The following RBPJ variants were observed in gnomAD, a reference collection of about 807,000 sequenced individuals.
RBPJ encodes the protein recombining binding protein suppressor of hairless.
Under a neutral mutation model 67.8 loss-of-function variants are expected in RBPJ, and 9 were observed. The observed-to-expected ratio is 0.13, with a 90% CI of 0.08 to 0.23. The LOEUF is 0.23. Among genes scored for constraint, RBPJ ranks in the 10% least tolerant of loss-of-function variants. RBPJ has a pLI of 1.00. For missense variants in RBPJ, 305 were observed against 595.6 expected (o/e 0.51, Z 5.08); for synonymous variants, 198 against 203.3 (o/e 0.97, Z 0.22).
At chr4:26,304,042 C>G (rs1722158751) in intron 1 of RBPJ, among the ~76,000 whole-genome samples, 1 of 152,154 alleles carries the variant, frequency 6.6e-6, no homozygotes, top group Non-Finnish European at 1.5e-5. Flanking sequence ...ATACACACTG[C>G]CGGGCCCTAG....
chr4:26,228,639 G>A (rs149597388), intron 1 of RBPJ, among the ~76,000 whole-genome samples: 1 of 152,286 alleles, frequency 6.6e-6, no homozygotes, highest in African/African-American at 2.4e-5. Flanking sequence ...AACACAACGT[G>A]TTACTAGTCA....
At chr4:26,138,620 C>G in the RBPJ span, among the ~76,000 whole-genome samples, 1 of 152,192 alleles carries the variant, frequency 6.6e-6, no homozygotes, top group Non-Finnish European at 1.5e-5. Flanking sequence ...GCTCTGGAGT[C>G]TGAGTCTTTC....
chr4:26,114,420 G>T, the RBPJ span, among the ~76,000 whole-genome samples: 3 of 146,554 alleles, frequency 2.0e-5, no homozygotes, highest in Non-Finnish European at 4.5e-5. Flanking sequence ...TCGCACCACT[G>T]TACTCCAGCC....
chr4:26,367,576 T>A (rs991508561), intron 1 of RBPJ, among the ~76,000 whole-genome samples: 1 of 152,244 alleles, frequency 6.6e-6, no homozygotes, highest in Non-Finnish European at 1.5e-5. Context: ...AATTTAAAGT[T>A]GCAAAAAATT....
chr4:26,320,901 G>A (rs2109320809), upstream of RBPJ: 2 of 1,593,392 alleles, frequency 1.3e-6, no homozygotes, highest in Non-Finnish European at 1.7e-6. Context: ...GCGGCGAGGG[G>A]AAAGGGAGCG....
the RBPJ span, among the ~76,000 whole-genome samples, chr4:26,124,238 T>G: frequency 1.3e-5 from 2 of 151,542 alleles, no homozygotes; most frequent in African/African-American, 4.9e-5. Context: ...CAAAGTCCAT[T>G]GTGTCATTCT....
Position 26,388,678 on chromosome 4 carries a change from A to C in RBPJ, c.59+2287A>C, listed in dbSNP as rs764521659. Among the ~76,000 whole-genome samples, 74 of 152,170 alleles carry C rather than the reference A, an allele frequency of 4.9e-4. 1 individual carries two copies. The highest frequency in any genetic ancestry group is 1.3e-4 in the Non-Finnish European group (9 of 68,034). Reference sequence around the variant, plus strand: ...TTTAATATTTAAGGTGGAAAAGTACACTTGGGATTAATTTCAGAATGGACA... The same window carrying C: ...TTTAATATTTAAGGTGGAAAAGTACCCTTGGGATTAATTTCAGAATGGACA... On this transcript the variant is annotated intron_variant, in intron 2 of 10. Coordinates refer to ENST00000355476, the MANE Select transcript of RBPJ (RefSeq NM_015874.6).
chr4:26,170,283 A>G (rs1342296389), intron 1 of RBPJ, among the ~76,000 whole-genome samples: 1 of 152,184 alleles, frequency 6.6e-6, no homozygotes, highest in Non-Finnish European at 1.5e-5. Flanking sequence ...GCTCCTGCCT[A>G]TAATCCCAGG....
chr4:26,310,665 CTT>C (rs11289709), intron 1 of RBPJ, among the ~76,000 whole-genome samples: 296 of 107,404 alleles, frequency 2.8e-3, no homozygotes, highest in African/African-American at 6.2e-3. Context: ...CCTGTTTTAA[CTT>C]TTTTTTTTTT....
intron 1 of RBPJ, among the ~76,000 whole-genome samples, chr4:26,183,734 G>C (rs957186131): frequency 6.6e-6 from 1 of 152,218 alleles, no homozygotes; most frequent in Non-Finnish European, 1.5e-5. Flanking sequence ...ATGTAGCCGG[G>C]CGTGGTCGCT....
rs772324786 is a variant in RBPJ at position 26,424,418 on chromosome 4, T to G, written c.573T>G (p.His191Gln). ...AGACAGTTAGTACCAGATACTTGCA[T>G]GTAGAAGGAGGTAATTTTCATGCCA... ...RSQTVSTRYLHVEGGNFHASS... is the reference protein window; with the variant it reads ...RSQTVSTRYLQVEGGNFHASS... The change falls in exon 6 of 11, where the codon CAT becomes CAG. Residue 191 changes from histidine (H) to glutamine (Q), a missense_variant. His to Gln is a conservative substitution (Grantham distance 24). Coordinates refer to ENST00000355476, the MANE Select transcript of RBPJ (RefSeq NM_015874.6). The surrounding 1 kb of genome is among the most constrained non-coding windows in gnomAD (Gnocchi z 5.3). 6.2e-7 allele frequency: 1 copy of G among 1,613,604 alleles called. No individual in the cohort carries two copies.
intron 1 of RBPJ, among the ~76,000 whole-genome samples, chr4:26,166,884 A>G (rs1490804207): frequency 2.6e-5 from 4 of 152,184 alleles, no homozygotes; most frequent in African/African-American, 9.7e-5. Context: ...ATCTTGAATT[A>G]ATGTTTGTAT....
At chr4:26,129,372 A>G in the RBPJ span, among the ~76,000 whole-genome samples, 1 of 152,222 alleles carries the variant, frequency 6.6e-6, no homozygotes, top group African/African-American at 2.4e-5. Context: ...CAAAGTGACT[A>G]CACATTGGTG....
chr4:26,336,861 G>A (rs1358048207), intron 1 of RBPJ, among the ~76,000 whole-genome samples: 2 of 152,102 alleles, frequency 1.3e-5, no homozygotes, highest in Non-Finnish European at 2.9e-5. Context: ...TCCTTTCAAA[G>A]TTAAAAATAA....
Position 26,350,938 on chromosome 4 carries a change from G to A in RBPJ, c.20+29890G>A, listed in dbSNP as rs148754517. 4.3e-3 allele frequency among the ~76,000 whole-genome samples: 657 copies of A among 152,230 alleles called. 6 individuals carry two copies. Among genetic ancestry groups the A allele is most frequent in the Admixed American group, 0.027 (410 of 15,278 alleles). On this transcript the variant is annotated intron_variant, in intron 1 of 10. Transcript: ENST00000355476. ...CAAATCTCAGGTTAGCCAATTCTTGGTAGGAAACATGATTTTAACCCATTT... is the reference window on the plus strand; with the variant it reads ...CAAATCTCAGGTTAGCCAATTCTTGATAGGAAACATGATTTTAACCCATTT...
upstream of RBPJ, among the ~76,000 whole-genome samples, chr4:26,320,265 G>A (rs34965075): frequency 6.6e-6 from 1 of 152,206 alleles, no homozygotes; most frequent in Non-Finnish European, 1.5e-5. Flanking sequence ...GTGGCCATTA[G>A]GGGTGTCTTT....
intron 1 of RBPJ, among the ~76,000 whole-genome samples, chr4:26,314,135 GTA>G (rs1047916491): frequency 2.0e-5 from 3 of 152,072 alleles, no homozygotes; most frequent in Middle Eastern, 6.8e-3. Flanking sequence ...ACGCAAATAA[GTA>G]TATATATATC....
At chr4:26,207,429 GCA>G (rs1235076050) in intron 1 of RBPJ, among the ~76,000 whole-genome samples, 1 of 152,124 alleles carries the variant, frequency 6.6e-6, no homozygotes, top group Non-Finnish European at 1.5e-5. Flanking sequence ...CAAGTGGATT[GCA>G]CACACACACG....
rs370393847 is a variant in RBPJ at position 26,301,056 on chromosome 4, AG to A, written c.-166-61386del. Among the ~76,000 whole-genome samples the A allele has an allele frequency of 2.9e-3, 442 of 152,334 alleles. 4 individuals are homozygous for A. The highest frequency in any genetic ancestry group is 0.01 in the African/African-American group (425 of 41,580). Reference sequence around the variant, plus strand: ...AACACCCTAAAACATCCAAACAGGGAGGGGACTGCTGATCCAATGACTACTT... The same window carrying A: ...AACACCCTAAAACATCCAAACAGGGAGGGACTGCTGATCCAATGACTACTT... On this transcript the variant is annotated intron_variant, in intron 1 of 4. Transcript: ENST00000512351.
Sources: allele counts gnomAD v4.1 joint callset (sites outside exome capture counted in the v4.1 genomes callset), GRCh38; gene constraint gnomAD v4.1.1; non-coding constraint Gnocchi (gnomAD v3.1); transcripts MANE v1.5; gene names NCBI Gene and HGNC (gene_info 2026-07-23, HGNC 2026-07-21).